SAMD3: variants seen among roughly 807,000 people sequenced by gnomAD.
The protein encoded by SAMD3 is sterile alpha motif domain containing 3, also known as sterile alpha motif domain-containing protein 3.
SAMD3 carries 63 observed loss-of-function variants against 58.5 expected under a neutral mutation model. That is an observed-to-expected ratio of 1.08 (90% confidence interval 0.88 to 1.33). SAMD3 has a LOEUF of 1.33. Among genes scored for constraint, SAMD3 ranks in the 40% most tolerant of loss-of-function variants. The pLI is 0.00. For synonymous variants in SAMD3, 220 were observed against 210.3 expected, an observed-to-expected ratio of 1.05 and a Z score of -0.40; for missense variants, 604 against 608.4, an observed-to-expected ratio of 0.99 and a Z score of 0.08.
At chr6:130,183,504 C>A in intron 7 of SAMD3, 1 of 410,696 alleles carries the variant, frequency 2.4e-6, no homozygotes, top group Non-Finnish European at 4.7e-6. Context: ...GCAAGAAACA[C>A]TTGATGACAG....
chr6:130,320,922 A>G (rs1315509139), intron 1 of SAMD3, among the ~76,000 whole-genome samples: 4 of 152,178 alleles, frequency 2.6e-5, no homozygotes, highest in Non-Finnish European at 4.4e-5. Flanking sequence ...ACACATCAAG[A>G]ATGTGCCTGT....
At chr6:130,226,813 A>G (rs1265086834), upstream of SAMD3, among the ~76,000 whole-genome samples, 1 of 151,944 alleles carries the variant, frequency 6.6e-6, no homozygotes, top group African/African-American at 2.4e-5. Flanking sequence ...GGGCGATAAG[A>G]GCGAAACTCT....
intron 2 of SAMD3, among the ~76,000 whole-genome samples, chr6:130,288,676 A>G (rs2114959792): frequency 6.6e-6 from 1 of 152,324 alleles, no homozygotes; most frequent in African/African-American, 2.4e-5. Flanking sequence ...CTCCAAATCT[A>G]TGGCTTCTAT....
At chr6:130,241,011 G>A (rs2114894161) in intron 2 of SAMD3, among the ~76,000 whole-genome samples, 1 of 152,172 alleles carries the variant, frequency 6.6e-6, no homozygotes, top group Admixed American at 6.5e-5. Flanking sequence ...TCCTTCTCCT[G>A]TTGAATTCCT....
At chr6:130,312,901 A>G (rs995210664) in intron 2 of SAMD3, 5 of 152,094 alleles carry the variant, frequency 3.3e-5, no homozygotes, top group Admixed American at 3.3e-4. Context: ...CTTTTTTAAG[A>G]GTCATTTATT....
chr6:130,193,254 A>AACCCC (rs1430354047), intron 5 of SAMD3, among the ~76,000 whole-genome samples: 1 of 151,014 alleles, frequency 6.6e-6, no homozygotes, highest in African/African-American at 2.4e-5. Context: ...GGGGGCAAGA[A>AACCCC]ACCCCCAACC....
At chr6:130,329,755 G>A (rs764899618) in intron 1 of SAMD3, among the ~76,000 whole-genome samples, 5 of 152,180 alleles carry the variant, frequency 3.3e-5, no homozygotes, top group African/African-American at 7.2e-5. Flanking sequence ...ATGAGTTCAT[G>A]TCCTTTGCAG....
At chr6:130,191,777 A>G (rs968823774) in intron 5 of SAMD3, among the ~76,000 whole-genome samples, 2 of 152,214 alleles carry the variant, frequency 1.3e-5, no homozygotes, top group African/African-American at 4.8e-5. Context: ...TGAGAAAAAT[A>G]AAAGTCAATG....
chr6:130,153,194 CTG>C (rs57921495), intron 9 of SAMD3, among the ~76,000 whole-genome samples: 31,567 of 151,998 alleles, frequency 0.21, 3,922 homozygotes, highest in East Asian at 0.42. Flanking sequence ...TGCTTTAAAA[CTG>C]TATTTTGCAG....
intron 2 of SAMD3, among the ~76,000 whole-genome samples, chr6:130,307,618 G>T (rs1775950549): frequency 6.6e-6 from 1 of 152,124 alleles, no homozygotes; most frequent in South Asian, 2.1e-4. Context: ...AGAGAATTTT[G>T]AAAATCAAAT....
intron 2 of SAMD3, among the ~76,000 whole-genome samples, chr6:130,236,329 C>A (rs1773145522): frequency 6.6e-6 from 1 of 151,856 alleles, no homozygotes; most frequent in African/African-American, 2.4e-5. Context: ...GACCTCAGGT[C>A]TCTTTCCCTG....
chr6:130,215,347 TA>T (rs200047358), intron 2 of SAMD3, 53 bp from the exon 3 acceptor site: 3 of 1,289,178 alleles, frequency 2.3e-6, no homozygotes, highest in Admixed American at 2.8e-5. Flanking sequence ...GATTGTGCCT[TA>T]ATTTTTTTTT....
intron 1 of SAMD3, among the ~76,000 whole-genome samples, chr6:130,360,414 G>A (rs537241466): frequency 2.0e-5 from 3 of 152,282 alleles, no homozygotes; most frequent in Non-Finnish European, 4.4e-5. Context: ...GGGCATCTGG[G>A]GGAGACATCA....
At chr6:130,319,243 A>G (rs1776500359) in intron 1 of SAMD3, among the ~76,000 whole-genome samples, 1 of 152,176 alleles carries the variant, frequency 6.6e-6, no homozygotes, top group African/African-American at 2.4e-5. Flanking sequence ...AATAATTACT[A>G]AAAACATTTC....
intron 1 of SAMD3, chr6:130,221,579 GGAAA>G (rs1796228516): frequency 6.6e-6 from 1 of 152,034 alleles, no homozygotes; most frequent in African/African-American, 2.4e-5. Context: ...ATGAGTTAGA[GGAAA>G]GAAAATGTTA....
chr6:130,301,638 A>T (rs1034462958), intron 2 of SAMD3, among the ~76,000 whole-genome samples: 29 of 152,318 alleles, frequency 1.9e-4, no homozygotes, highest in African/African-American at 7.0e-4. Flanking sequence ...AATCCTCAGC[A>T]AAAAGAACAA....
At chr6:130,269,882 T>C (rs1356427276) in intron 2 of SAMD3, among the ~76,000 whole-genome samples, 1 of 152,058 alleles carries the variant, frequency 6.6e-6, no homozygotes, top group East Asian at 1.9e-4. Context: ...TTTAGCAGTA[T>C]GTCACATATT....
At position 130,279,100 on chromosome 6, in the gene SAMD3, T is replaced by C. The variant is rs368243433; in HGVS notation, c.-188+33878A>G. On this transcript the variant is annotated intron_variant, in intron 2 of 13. Transcript: ENST00000368134. ...TCATGAGTCTCAGTTTCCTAAATCA[T>C]AAAATGAGCTTAATAATATCTATCT... Among the ~76,000 whole-genome samples, 69 of 152,286 alleles carry C rather than the reference T, an allele frequency of 4.5e-4. 1 individual carries two copies. The highest frequency in any genetic ancestry group is 1.5e-3 in the African/African-American group (62 of 41,556).
intron 1 of SAMD3, among the ~76,000 whole-genome samples, chr6:130,357,267 G>A (rs536433865): frequency 6.6e-6 from 1 of 152,000 alleles, no homozygotes; most frequent in Admixed American, 6.6e-5. Context: ...TGGGACTACA[G>A]GTGCCCACCA....
Sources: gnomAD v4.1 joint callset for allele counts (sites outside exome capture counted in the v4.1 genomes callset) on GRCh38, gnomAD v4.1.1 for gene constraint, MANE v1.5 for transcripts, NCBI Gene and HGNC (gene_info 2026-07-23, HGNC 2026-07-21) for gene names.